GRAMD1B: variants seen among roughly 807,000 people sequenced by gnomAD.
GRAMD1B encodes the protein protein Aster-B.
Under a neutral mutation model 99.7 loss-of-function variants are expected in GRAMD1B, and 37 were observed. The ratio of observed to expected loss-of-function variants is 0.37; its 90% CI spans 0.29 to 0.49. The LOEUF (loss-of-function observed/expected upper bound fraction) is 0.49, where lower values mean the gene tolerates loss of function less well. GRAMD1B is among the 20% of genes least tolerant of loss of function. The pLI is 0.98. For missense variants in GRAMD1B, 888 were observed against 1,009.2 expected (o/e 0.88, Z 1.63); for synonymous variants, 427 against 387.6 (o/e 1.10, Z -1.19).
chr11:123,475,070 C>T (rs542126860), intron 1 of GRAMD1B, among the ~76,000 whole-genome samples: 25 of 152,144 alleles, frequency 1.6e-4, no homozygotes, highest in Admixed American at 2.6e-4. Flanking sequence ...TGCCATATTC[C>T]GTCTTTCTAG....
intron 2 of GRAMD1B, among the ~76,000 whole-genome samples, chr11:123,548,357 T>G (rs1411805290): frequency 9.0e-6 from 1 of 110,876 alleles, no homozygotes; most frequent in Non-Finnish European, 1.8e-5. Flanking sequence ...CACATATATA[T>G]ATATATGTAC....
At chr11:123,526,234 A>C (rs961394396) in intron 2 of GRAMD1B, 1 of 1,402,694 alleles carries the variant, frequency 7.1e-7, no homozygotes, top group African/African-American at 1.4e-5. Context: ...TGCTCGCCCC[A>C]GCACCCTCAA....
intron 16 of GRAMD1B, among the ~76,000 whole-genome samples, chr11:123,614,426 C>T (rs1483184650): frequency 6.6e-6 from 1 of 152,224 alleles, no homozygotes; most frequent in Non-Finnish European, 1.5e-5. Flanking sequence ...CAGAAGCCAG[C>T]CGTCTTTAGT....
chr11:123,366,476 T>G (rs1381770494), intron 1 of GRAMD1B, among the ~76,000 whole-genome samples: 1 of 152,258 alleles, frequency 6.6e-6, no homozygotes, highest in Non-Finnish European at 1.5e-5. Flanking sequence ...GGTTTTGACT[T>G]TTCTGTCTGA....
intron 1 of GRAMD1B, among the ~76,000 whole-genome samples, chr11:123,401,637 G>A (rs1005738624): frequency 1.3e-5 from 2 of 152,232 alleles, no homozygotes; most frequent in African/African-American, 4.8e-5. Flanking sequence ...GGAAAGCCAG[G>A]TTTAATATTT....
At chr11:123,490,893 T>A (rs1413313773) in intron 2 of GRAMD1B, among the ~76,000 whole-genome samples, 1 of 152,196 alleles carries the variant, frequency 6.6e-6, no homozygotes, top group Non-Finnish European at 1.5e-5. Flanking sequence ...GCGAGGAGGT[T>A]AGCGGCAGCA....
intron 19 of GRAMD1B, 194 bp downstream of exon 19, chr11:123,619,418 TA>T: frequency 7.1e-7 from 1 of 1,415,876 alleles, no homozygotes; most frequent in Non-Finnish European, 9.3e-7. Flanking sequence ...AGGTGTATTC[TA>T]AAAAATAAGA....
intron 2 of GRAMD1B, among the ~76,000 whole-genome samples, chr11:123,566,658 C>T (rs767453950): frequency 3.9e-5 from 6 of 151,936 alleles, no homozygotes; most frequent in African/African-American, 7.3e-5. Context: ...CCCAGCTATT[C>T]GGGAGGCTGA....
At chr11:123,468,795 CAAAAA>C (rs11446671) in intron 1 of GRAMD1B, among the ~76,000 whole-genome samples, 1 of 98,046 alleles carries the variant, frequency 1.0e-5, no homozygotes, top group African/African-American at 4.1e-5. Flanking sequence ...GACCCTGTAT[CAAAAA>C]AAAAAAAAAA....
intron 1 of GRAMD1B, among the ~76,000 whole-genome samples, chr11:123,457,407 G>A (rs986773742): frequency 1.8e-4 from 28 of 152,294 alleles, no homozygotes; most frequent in Non-Finnish European, 2.8e-4. Context: ...TTTAGTTCAC[G>A]TGTTTTAGAA....
intron 2 of GRAMD1B, among the ~76,000 whole-genome samples, chr11:123,511,603 C>A (rs552380215): frequency 1.3e-5 from 2 of 152,250 alleles, no homozygotes; most frequent in African/African-American, 4.8e-5. Flanking sequence ...GAGATGTAAT[C>A]CTTCGAGAAT....
intron 3 of GRAMD1B, among the ~76,000 whole-genome samples, chr11:123,578,983 C>T (rs1288998306): frequency 1.3e-5 from 2 of 152,204 alleles, no homozygotes; most frequent in African/African-American, 2.4e-5. Context: ...GCTGCTCAAC[C>T]TGGGCACCCC....
intron 2 of GRAMD1B, among the ~76,000 whole-genome samples, chr11:123,504,647 C>T (rs11219173): frequency 0.12 from 18,012 of 152,072 alleles, 1,412 homozygotes; most frequent in East Asian, 0.43. Flanking sequence ...TTTCACCTCT[C>T]TCCTCCCACT....
At chr11:123,562,320 G>A (rs538802215) in intron 2 of GRAMD1B, among the ~76,000 whole-genome samples, 9 of 152,246 alleles carry the variant, frequency 5.9e-5, no homozygotes, top group African/African-American at 2.2e-4. Context: ...TGGTTGGGAC[G>A]CAGGCACCCT....
chr11:123,474,483 C>T (rs1259773448), intron 1 of GRAMD1B, among the ~76,000 whole-genome samples: 1 of 152,178 alleles, frequency 6.6e-6, no homozygotes, highest in Non-Finnish European at 1.5e-5. Context: ...CTGTGCAGTT[C>T]TATAAATAGA....
At chr11:123,412,626 A>G (rs2846063) in intron 1 of GRAMD1B, among the ~76,000 whole-genome samples, 1 of 152,030 alleles carries the variant, frequency 6.6e-6, no homozygotes, top group Non-Finnish European at 1.5e-5. Context: ...TTCTAACTAC[A>G]TTTTCCCACA....
intron 2 of GRAMD1B, among the ~76,000 whole-genome samples, chr11:123,529,349 C>T (rs1943118224): frequency 6.6e-6 from 1 of 152,208 alleles, no homozygotes; most frequent in Admixed American, 6.5e-5. Flanking sequence ...CTTCACACAG[C>T]TGTACCTCAT....
At chr11:123,480,542 G>A (rs550634864) in intron 1 of GRAMD1B, among the ~76,000 whole-genome samples, 1 of 152,240 alleles carries the variant, frequency 6.6e-6, no homozygotes, top group South Asian at 2.1e-4. Context: ...GGTTTATATA[G>A]CCAGGGAAGA....
At chr11:123,564,042 A>G (rs896687408) in intron 2 of GRAMD1B, among the ~76,000 whole-genome samples, 1 of 152,248 alleles carries the variant, frequency 6.6e-6, no homozygotes, top group East Asian at 1.9e-4. Context: ...TCAGGCAGCC[A>G]TCCTGGTAGG....
Sources: allele counts gnomAD v4.1 joint callset (sites outside exome capture counted in the v4.1 genomes callset), GRCh38; gene constraint gnomAD v4.1.1; transcripts MANE v1.5; gene names NCBI Gene and HGNC (gene_info 2026-07-23, HGNC 2026-07-21).